CCDC40: variants seen among roughly 807,000 people sequenced by gnomAD.
The protein encoded by CCDC40 is coiled-coil domain 40 molecular ruler complex subunit.
Under a neutral mutation model 124.5 loss-of-function variants are expected in CCDC40, and 104 were observed. The observed-to-expected ratio is 0.84, with a 90% CI of 0.71 to 0.98. CCDC40 has a LOEUF of 0.98. Ranked by LOEUF, CCDC40 falls within the 50% of genes least tolerant of loss-of-function variation. CCDC40 has a pLI of 0.00. For synonymous variants in CCDC40, 580 were observed against 602.9 expected, an observed-to-expected ratio of 0.96 and a Z score of 0.56; for missense variants, 1,463 against 1,503.9, an observed-to-expected ratio of 0.97 and a Z score of 0.45.
intron 3 of CCDC40, among the ~76,000 whole-genome samples, chr17:80,042,945 T>C (rs2037320369): frequency 6.6e-6 from 1 of 152,122 alleles, no homozygotes; most frequent in South Asian, 2.1e-4. Flanking sequence ...ATTTTCCTTT[T>C]TAGTTAGTTG....
In CCDC40 at chr17:80,086,221, G is replaced by A; in HGVS notation, c.2449+5G>A. 1 of 1,587,082 alleles carries A rather than the reference G, an allele frequency of 6.3e-7. No individual in the cohort carries two copies. Among genetic ancestry groups the A allele is most frequent in the South Asian group, 1.1e-5 (1 of 88,008 alleles). On this transcript the variant is annotated splice_donor_5th_base_variant and intron_variant, in intron 14 of 19. Coordinates refer to ENST00000397545, the MANE Select transcript of CCDC40 (RefSeq NM_017950.4). The surrounding 1 kb of genome is among the most constrained non-coding windows in gnomAD (Gnocchi z 5.5). ...AGAAGAAACTACGAGTAGAAAGTAA[G>A]AGCCGCCGTGCCCGGCCCTGCAGTG...
At chr17:80,063,380 CTG>C (rs2037953577) in intron 9 of CCDC40, among the ~76,000 whole-genome samples, 1 of 152,164 alleles carries the variant, frequency 6.6e-6, no homozygotes, top group Admixed American at 6.5e-5. Context: ...TTGTGAAAAA[CTG>C]GGGTCTAAAT....
At chr17:80,072,964 C>G (rs1175181970) in intron 10 of CCDC40, among the ~76,000 whole-genome samples, 1 of 150,780 alleles carries the variant, frequency 6.6e-6, no homozygotes, top group East Asian at 1.9e-4. Flanking sequence ...GCCTCGCTTT[C>G]TCCTACTGCG....
intron 3 of CCDC40, among the ~76,000 whole-genome samples, chr17:80,041,206 C>T (rs2037271449): frequency 6.6e-6 from 1 of 152,130 alleles, no homozygotes; most frequent in Non-Finnish European, 1.5e-5. Context: ...TGGGACACAA[C>T]CATCAAAATC....
chr17:80,059,873 G>A (rs1041001279), intron 9 of CCDC40, among the ~76,000 whole-genome samples: 2 of 152,084 alleles, frequency 1.3e-5, no homozygotes, highest in African/African-American at 4.8e-5. Flanking sequence ...GAAAAAGAAG[G>A]AAGAGGACTT....
intron 7 of CCDC40, among the ~76,000 whole-genome samples, chr17:80,057,861 G>A (rs1466632366): frequency 6.8e-6 from 1 of 146,084 alleles, no homozygotes; most frequent in Non-Finnish European, 1.5e-5. Context: ...GGGCGACAGA[G>A]CGAGATTTCG....
intron 2 of CCDC40, 139 bp from the exon 3 acceptor site, chr17:80,039,673 G>C: frequency 8.7e-7 from 1 of 1,154,852 alleles, no homozygotes; most frequent in Non-Finnish European, 1.2e-6. Flanking sequence ...GCCTCCCAAA[G>C]TGAAACATGA....
chr17:80,048,835 A>C, intron 5 of CCDC40, 74 bp downstream of exon 5: 1 of 1,272,824 alleles, frequency 7.9e-7, no homozygotes, highest in Admixed American at 2.0e-5. Flanking sequence ...CTCTGCCTGC[A>C]CTGTCTCCCA....
At chr17:80,052,222 G>A (rs1338634856) in intron 7 of CCDC40, among the ~76,000 whole-genome samples, 1 of 152,164 alleles carries the variant, frequency 6.6e-6, no homozygotes, top group East Asian at 1.9e-4. Context: ...TATTGACACA[G>A]GATCACAAGG....
At position 80,073,094 on chromosome 17, in the gene CCDC40, C is replaced by T. The variant is rs796632090; in HGVS notation, c.1562+7488C>T. Among the ~76,000 whole-genome samples, 7 of 152,228 alleles carry T rather than the reference C, an allele frequency of 4.6e-5. 1 individual carries two copies. The highest frequency in any genetic ancestry group is 1.7e-4 in the African/African-American group (7 of 41,536). ...CTTGGCTCACTGCAACCTCCACCTCCCGGGTTCAAGCAATTCTCCTGCTTC... is the reference window on the plus strand; with the variant it reads ...CTTGGCTCACTGCAACCTCCACCTCTCGGGTTCAAGCAATTCTCCTGCTTC... On this transcript the variant is annotated intron_variant, in intron 10 of 19. Coordinates refer to ENST00000397545, the MANE Select transcript of CCDC40 (RefSeq NM_017950.4).
At chr17:80,064,329 G>T (rs949831622) in intron 9 of CCDC40, among the ~76,000 whole-genome samples, 2 of 152,140 alleles carry the variant, frequency 1.3e-5, no homozygotes, top group Non-Finnish European at 2.9e-5. Flanking sequence ...GGGACTTGGC[G>T]TTCTACAGGA....
At chr17:80,083,580 G>C (rs2038509928) in intron 12 of CCDC40, among the ~76,000 whole-genome samples, 1 of 152,194 alleles carries the variant, frequency 6.6e-6, no homozygotes, top group South Asian at 2.1e-4. Context: ...CCATGCCCTG[G>C]GGAAGAGGAC....
chr17:80,093,962 G>A (rs2038761915), intron 17 of CCDC40, among the ~76,000 whole-genome samples: 1 of 152,096 alleles, frequency 6.6e-6, no homozygotes, highest in South Asian at 2.1e-4. Context: ...ACTTTTTAGT[G>A]TTTCTTAGTG....
chr17:80,081,021 G>A (rs371792978), intron 10 of CCDC40, among the ~76,000 whole-genome samples: 75 of 152,208 alleles, frequency 4.9e-4, no homozygotes, highest in African/African-American at 1.7e-3. Context: ...TCAAAATATC[G>A]CATGTACCTC....
Position 80,066,641 on chromosome 17 carries a change from G to A in CCDC40, c.1562+1035G>A, listed in dbSNP as rs8072596. Reference sequence around the variant, plus strand: ...CATGGTGTGGGCGCCTGTAATCCCCGCTACTCGGGAGGGTGAGACAGAGAA... The same window carrying A: ...CATGGTGTGGGCGCCTGTAATCCCCACTACTCGGGAGGGTGAGACAGAGAA... On this transcript the variant is annotated intron_variant, in intron 10 of 19. Coordinates refer to ENST00000397545, the MANE Select transcript of CCDC40 (RefSeq NM_017950.4). This position sits in a 1 kb window ranked among gnomAD's most constrained non-coding sequence, Gnocchi z 4.4. The A allele has an allele frequency of 0.11, 18,659 of 162,562 alleles. 3,645 individuals are homozygous for A. Among genetic ancestry groups the A allele is most frequent in the African/African-American group, 0.41 (17,191 of 41,430 alleles). 10.1% of individuals were successfully genotyped at this position (162,562 alleles called of 1,614,324 possible).
intron 17 of CCDC40, among the ~76,000 whole-genome samples, chr17:80,094,828 C>G (rs910502705): frequency 6.6e-6 from 1 of 152,200 alleles, no homozygotes; most frequent in Non-Finnish European, 1.5e-5. Context: ...CCAATCCTCA[C>G]GCTACAACCC....
chr17:80,099,655 A>T lies in CCDC40; in HGVS notation c.3309A>T (p.Arg1103=). The change falls in exon 20 of 20, where the codon CGA becomes CGT. Residue 1103 remains arginine, a synonymous_variant. Coordinates refer to ENST00000397545, the MANE Select transcript of CCDC40 (RefSeq NM_017950.4). ...TGGAGCGCCAGCGCCTGGACAAGCG[A>T]CTGGCTCTCATCGCCACCATCCTGG... ...LVLERQRLDK[R]LALIATILDR... is the part of the protein sequence containing the mutation. 1 of 1,613,906 alleles carries T rather than the reference A, an allele frequency of 6.2e-7. No individual in the cohort carries two copies. The highest frequency in any genetic ancestry group is 1.1e-5 in the South Asian group (1 of 91,086).
chr17:80,048,088 T>C (rs3829608), intron 4 of CCDC40, among the ~76,000 whole-genome samples: 48,593 of 151,980 alleles, frequency 0.32, 10,542 homozygotes, highest in African/African-American at 0.62. Context: ...GTGAAACCCC[T>C]GTCTCTACTA....
intron 16 of CCDC40, 59 bp from the exon 17 acceptor site, chr17:80,089,705 T>C: frequency 6.2e-7 from 1 of 1,602,816 alleles, no homozygotes; most frequent in Non-Finnish European, 8.5e-7. Flanking sequence ...GAGTGTGAGC[T>C]CACCGAAGCA....
Sources: allele counts gnomAD v4.1 joint callset (sites outside exome capture counted in the v4.1 genomes callset), GRCh38; gene constraint gnomAD v4.1.1; non-coding constraint Gnocchi (gnomAD v3.1); transcripts MANE v1.5; gene names NCBI Gene and HGNC (gene_info 2026-07-23, HGNC 2026-07-21).